Variants in ROBO1 observed in about 807,000 individuals in gnomAD.
ROBO1 encodes the protein roundabout homolog 1.
A neutral mutation model predicts 195.9 loss-of-function variants in ROBO1; 149 were observed. That is an observed-to-expected ratio of 0.76 (90% CI 0.67 to 0.87). ROBO1 has a LOEUF of 0.87. ROBO1 is among the 40% of genes least tolerant of loss of function. The probability of loss-of-function intolerance (pLI) is 0.00; values close to 1 mark genes in which losing one functional copy is unlikely to be tolerated. For missense variants in ROBO1, 1,933 were observed against 2,068.3 expected, an observed-to-expected ratio of 0.93 and a Z score of 1.27; for synonymous variants, 816 against 733.2, an observed-to-expected ratio of 1.11 and a Z score of -1.82.
At chr3:78,757,141 G>A (rs1223785919) in intron 4 of ROBO1, among the ~76,000 whole-genome samples, 6 of 151,998 alleles carry the variant, frequency 3.9e-5, no homozygotes, top group African/African-American at 7.2e-5. Flanking sequence ...AGCCACCTGC[G>A]TCAGCCTCCC....
intron 2 of ROBO1, among the ~76,000 whole-genome samples, chr3:79,215,345 C>A (rs912389174): frequency 2.0e-5 from 3 of 151,986 alleles, no homozygotes; most frequent in Admixed American, 2.0e-4. Flanking sequence ...CATCTATAAC[C>A]TTTTTACCCC....
At position 79,469,873 on chromosome 3, in the gene ROBO1, G is replaced by A. The variant is rs557464246; in HGVS notation, c.88+119951C>T. On this transcript the variant is annotated intron_variant, in intron 2 of 30. Coordinates refer to ENST00000464233, the MANE Select transcript of ROBO1 (RefSeq NM_002941.4). ...AAAAAAAAGTGTCAGTACCAGGATC[G>A]AAGCCAACTATTGGTCATTTAAAAA... Among the ~76,000 whole-genome samples the A allele has an allele frequency of 2.3e-3, 352 of 152,156 alleles. 3 individuals carry two copies. Among genetic ancestry groups the A allele is most frequent in the African/African-American group, 8.1e-3 (337 of 41,524 alleles).
intron 18 of ROBO1, 129 bp from the exon 19 acceptor site, chr3:78,652,058 C>A: frequency 1.4e-6 from 1 of 715,282 alleles, no homozygotes. Context: ...CACCACTCAC[C>A]ATCATCAAAT....
At chr3:78,950,468 A>C (rs1301947728) in intron 3 of ROBO1, among the ~76,000 whole-genome samples, 3 of 134,532 alleles carry the variant, frequency 2.2e-5, no homozygotes, top group African/African-American at 8.5e-5. Flanking sequence ...CAACGAGAAC[A>C]CACGGACACA....
At chr3:78,678,524 C>G (rs995949406) in intron 10 of ROBO1, among the ~76,000 whole-genome samples, 6 of 152,258 alleles carry the variant, frequency 3.9e-5, no homozygotes, top group Non-Finnish European at 8.8e-5. Context: ...ATACAAACTA[C>G]TATCAGAGAA....
chr3:79,009,683 A>T lies in ROBO1; in HGVS notation c.173-70756T>A, dbSNP rs189117934. 3.8e-3 allele frequency among the ~76,000 whole-genome samples: 573 copies of T among 152,334 alleles called. 8 individuals carry two copies. Among genetic ancestry groups the T allele is most frequent in the African/African-American group, 0.013 (534 of 41,574 alleles). On this transcript the variant is annotated intron_variant, in intron 3 of 30. Coordinates refer to ENST00000464233, the MANE Select transcript of ROBO1 (RefSeq NM_002941.4). ...GCAGGAATTATGTGAACCAATGCTAAAGTCTTTCTTTGTTTTCCATAAAAC... is the reference window on the plus strand; with the variant it reads ...GCAGGAATTATGTGAACCAATGCTATAGTCTTTCTTTGTTTTCCATAAAAC...
At chr3:79,694,419 A>C (rs1043655089) in intron 1 of ROBO1, among the ~76,000 whole-genome samples, 8 of 151,754 alleles carry the variant, frequency 5.3e-5, no homozygotes, top group African/African-American at 1.4e-4. Flanking sequence ...TATGCTGTGA[A>C]AGGTGGAAGG....
At chr3:78,942,738 A>G (rs1160829284) in intron 3 of ROBO1, among the ~76,000 whole-genome samples, 1 of 152,114 alleles carries the variant, frequency 6.6e-6, no homozygotes, top group Non-Finnish European at 1.5e-5. Context: ...CATAGTAAAG[A>G]TCAAAACTTC....
At chr3:79,685,031 G>C (rs1032315516) in intron 1 of ROBO1, among the ~76,000 whole-genome samples, 8 of 152,100 alleles carry the variant, frequency 5.3e-5, no homozygotes, top group African/African-American at 1.9e-4. Context: ...CCCAGAGTTT[G>C]ACATTGTTGC....
At chr3:79,496,060 A>T (rs1053171662) in intron 2 of ROBO1, among the ~76,000 whole-genome samples, 1 of 151,758 alleles carries the variant, frequency 6.6e-6, no homozygotes, top group Non-Finnish European at 1.5e-5. Flanking sequence ...TAAAAATACA[A>T]ATATTAGCCA....
At chr3:78,927,538 T>C (rs2039288763) in intron 4 of ROBO1, among the ~76,000 whole-genome samples, 1 of 152,224 alleles carries the variant, frequency 6.6e-6, no homozygotes. Flanking sequence ...TTTTAGAGAC[T>C]GAAGTCTTAC....
chr3:78,738,611 G>C (rs969561301), intron 5 of ROBO1, among the ~76,000 whole-genome samples: 1 of 152,024 alleles, frequency 6.6e-6, no homozygotes. Flanking sequence ...TAGGATTACA[G>C]TGACCAACTG....
chr3:79,428,137 C>A (rs565231515), intron 2 of ROBO1, among the ~76,000 whole-genome samples: 1 of 151,850 alleles, frequency 6.6e-6, no homozygotes, highest in South Asian at 2.1e-4. Flanking sequence ...AAAAAATGGG[C>A]AAAATATCTA....
chr3:78,882,211 CA>C (rs1385872522), intron 4 of ROBO1, among the ~76,000 whole-genome samples: 4 of 151,874 alleles, frequency 2.6e-5, no homozygotes, highest in African/African-American at 9.7e-5. Flanking sequence ...CAAGAATGGC[CA>C]ATAGAGTCTA....
At chr3:79,744,954 C>T (rs1222184433) in intron 1 of ROBO1, among the ~76,000 whole-genome samples, 2 of 151,694 alleles carry the variant, frequency 1.3e-5, no homozygotes, top group Non-Finnish European at 2.9e-5. Flanking sequence ...AAAGTGAATG[C>T]TTTAAATGCC....
chr3:78,617,853 G>T lies in ROBO1; in HGVS notation c.4064C>A (p.Pro1355His). The change falls in exon 27 of 31, where the codon CCT (proline) becomes CAT (histidine). Residue 1355 changes from proline (P) to histidine (H), a missense_variant. Around this residue, in one of 3 missense-constraint regions of ROBO1, gnomAD observed 1,737 missense variants for 1,882.5 expected, o/e 0.92. Transcript: ENST00000464233. ...RLLLRGLEQT[P>H]ASSVGDLESS... ...CTCCAGGTCCCCAACACTGGAGGCA[G>T]GTGTCTGCTCAAGCCCACGTAACAA... 6.2e-7 allele frequency: 1 copy of T among 1,613,994 alleles called. No homozygotes were observed. The highest frequency in any genetic ancestry group is 1.1e-5 in the South Asian group (1 of 91,082).
chr3:78,598,158 A>G lies in ROBO1; in HGVS notation c.*755T>C, dbSNP rs1330002652. 6.6e-6 allele frequency: 1 copy of G among 152,538 alleles called. No homozygotes were observed. Among genetic ancestry groups the G allele is most frequent in the African/African-American group, 2.4e-5 (1 of 41,438 alleles). 9.4% of individuals were successfully genotyped at this position (152,538 alleles called of 1,614,324 possible). A position where few individuals can be genotyped will look rare whatever the true frequency, so the allele number is the denominator to read the frequency against. ...TTTATAATTACTTTTTGATGATTGA[A>G]AAATAGAACAAGGTTTTACTAGGTT... On this transcript the variant is annotated 3_prime_UTR_variant, in exon 31 of 31. Transcript: ENST00000464233.
At chr3:79,075,584 A>G (rs936508085) in intron 3 of ROBO1, among the ~76,000 whole-genome samples, 2 of 151,938 alleles carry the variant, frequency 1.3e-5, no homozygotes, top group Non-Finnish European at 2.9e-5. Context: ...TTATAGTGGC[A>G]CCAAGGAACA....
intron 2 of ROBO1, among the ~76,000 whole-genome samples, chr3:79,456,473 T>A (rs1386200433): frequency 1.3e-5 from 2 of 152,062 alleles, no homozygotes; most frequent in Non-Finnish European, 2.9e-5. Context: ...GCATGACACG[T>A]GGTTGGATAG....
Sources: gnomAD v4.1 joint callset for allele counts (sites outside exome capture counted in the v4.1 genomes callset) on GRCh38, gnomAD v4.1.1 for gene constraint, gnomAD v4.1.1 regional missense constraint, MANE v1.5 for transcripts, NCBI Gene and HGNC (gene_info 2026-07-23, HGNC 2026-07-21) for gene names.